Variants in SHOC2 observed in about 807,000 individuals in gnomAD.
The protein encoded by SHOC2 is leucine-rich repeat protein SHOC-2.
In SHOC2, 4 loss-of-function variants were observed where a neutral mutation model predicts 50.2. That is an observed-to-expected ratio of 0.08 (90% CI 0.04 to 0.18). The LOEUF is 0.18. Ranked by LOEUF, SHOC2 falls within the 10% of genes least tolerant of loss-of-function variation. SHOC2 has a pLI of 1.00. For missense variants in SHOC2, 388 were observed against 669.6 expected (o/e 0.58, Z 4.64); for synonymous variants, 218 against 244.5 (o/e 0.89, Z 1.01).
At chr10:110,980,196 G>A (rs908218273) in intron 2 of SHOC2, among the ~76,000 whole-genome samples, 6 of 139,254 alleles carry the variant, frequency 4.3e-5, no homozygotes, top group East Asian at 2.1e-4. Flanking sequence ...TCACTCTGTC[G>A]CCTAGGCTGG....
chr10:110,948,201 A>G (rs567515918), intron 1 of SHOC2, among the ~76,000 whole-genome samples: 1 of 152,226 alleles, frequency 6.6e-6, no homozygotes, highest in Non-Finnish European at 1.5e-5. Context: ...TACACTCAAC[A>G]TCAGAGCACC....
chr10:110,981,286 C>T (rs1362263944), intron 2 of SHOC2, among the ~76,000 whole-genome samples: 3 of 152,192 alleles, frequency 2.0e-5, no homozygotes, highest in African/African-American at 7.2e-5. Context: ...TCTGTTTCTT[C>T]AGTGCCCAGT....
At chr10:110,952,405 G>A (rs1026108371) in intron 1 of SHOC2, among the ~76,000 whole-genome samples, 3 of 152,080 alleles carry the variant, frequency 2.0e-5, no homozygotes, top group East Asian at 1.9e-4. Context: ...GGTTTTTACT[G>A]TTGTAGGTTC....
chr10:111,000,496 C>T lies in SHOC2; in HGVS notation c.923C>T (p.Ala308Val), dbSNP rs139383612. 23 of 1,611,408 alleles carry T rather than the reference C, an allele frequency of 1.4e-5. No individual in the cohort carries two copies. The highest frequency in any genetic ancestry group is 1.9e-5 in the Non-Finnish European group (22 of 1,177,732). Reference protein sequence around the residue: ...AIPRSLAKCSALEELNLENNN... With the variant: ...AIPRSLAKCSVLEELNLENNN... ...CCCAGATCATTAGCAAAATGCAGTG[C>T]ACTTGAAGAATTAAATTTAGAGAAC... The change falls in exon 4 of 9, where the codon GCA becomes GTA. Residue 308 changes from alanine to valine, a missense_variant. Coordinates refer to ENST00000369452, the MANE Select transcript of SHOC2 (RefSeq NM_007373.4).
chr10:111,009,690 C>G (rs780937391), intron 7 of SHOC2, 23 bp from the exon 8 acceptor site: 1 of 1,391,860 alleles, frequency 7.2e-7, no homozygotes, highest in Admixed American at 1.7e-5. Context: ...TTGTAACTCT[C>G]TTTTATTTTG....
At chr10:110,980,525 A>G (rs1357063309) in intron 2 of SHOC2, among the ~76,000 whole-genome samples, 1 of 152,104 alleles carries the variant, frequency 6.6e-6, no homozygotes, top group African/African-American at 2.4e-5. Context: ...CTCGTGGGCT[A>G]ATTGCAGTAG....
rs186204864 is a variant in SHOC2, at chr10:110,924,996, G to A, written c.-235+5339G>A. ...TGAGGCAGGAGAATCTCTTGAACCC[G>A]GGAGGTGGAGGTTGCGGTAAGCCGA... On this transcript the variant is annotated intron_variant, in intron 1 of 8. Transcript: ENST00000369452. Among the ~76,000 whole-genome samples the A allele has an allele frequency of 3.9e-3, 588 of 150,322 alleles. 6 individuals are homozygous for A. The highest frequency in any genetic ancestry group is 0.014 in the African/African-American group (566 of 40,914).
chr10:110,924,028 TCA>T (rs1034819018), intron 1 of SHOC2, among the ~76,000 whole-genome samples: 1 of 152,248 alleles, frequency 6.6e-6, no homozygotes, highest in African/African-American at 2.4e-5. Flanking sequence ...TGGGTTTTTT[TCA>T]GTTTCCAGTT....
intron 1 of SHOC2, among the ~76,000 whole-genome samples, chr10:110,941,827 G>T (rs967500374): frequency 6.6e-6 from 1 of 151,686 alleles, no homozygotes; most frequent in Non-Finnish European, 1.5e-5. Context: ...TTTTGCCTAC[G>T]AATTACTAGT....
At chr10:110,998,374 A>T (rs1178766301) in intron 3 of SHOC2, among the ~76,000 whole-genome samples, 1 of 151,294 alleles carries the variant, frequency 6.6e-6, no homozygotes, top group Non-Finnish European at 1.5e-5. Context: ...TTGGAAAGTC[A>T]CTCAATTTTT....
intron 1 of SHOC2, among the ~76,000 whole-genome samples, chr10:110,958,966 T>C (rs1038262416): frequency 1.3e-5 from 2 of 152,194 alleles, no homozygotes; most frequent in Non-Finnish European, 2.9e-5. Context: ...TTCCTTACTC[T>C]TAAAATGATA....
chr10:110,952,729 A>G (rs1472561221), intron 1 of SHOC2, among the ~76,000 whole-genome samples: 1 of 152,062 alleles, frequency 6.6e-6, no homozygotes, highest in African/African-American at 2.4e-5. Context: ...CGCACCTCGC[A>G]AAAGGCCCTG....
At chr10:110,974,400 G>A (rs1387557451) in intron 2 of SHOC2, among the ~76,000 whole-genome samples, 1 of 151,838 alleles carries the variant, frequency 6.6e-6, no homozygotes, top group Non-Finnish European at 1.5e-5. Context: ...TTGTTTTTTG[G>A]AGGATTGTAA....
chr10:110,964,829 A>G lies in SHOC2; in HGVS notation c.471A>G (p.Ser157=). The change falls in exon 2 of 9, where the codon TCA becomes TCG. Residue 157 remains serine, a synonymous_variant. Transcript: ENST00000369452. The surrounding 1 kb of genome is among the most constrained non-coding windows in gnomAD (Gnocchi z 4.9). The stretch of plus-strand genomic sequence containing the variant: ...TGACACTGGCTCTAAGTGAAAATTC[A>G]CTTACCAGTTTGCCTGACTCTCTTG... The part of the protein sequence containing the change: ...NLMTLALSEN[S]LTSLPDSLDN... 6.2e-7 allele frequency: 1 copy of G among 1,614,062 alleles called. No individual in the cohort carries two copies. Among genetic ancestry groups the G allele is most frequent in the Non-Finnish European group, 8.5e-7 (1 of 1,179,968 alleles).
At chr10:110,985,561 C>T in intron 2 of SHOC2, 67 bp from the exon 3 acceptor site, 1 of 1,178,288 alleles carries the variant, frequency 8.5e-7, no homozygotes. Context: ...TATTTTCTTG[C>T]TTAGAAGTAT....
At chr10:110,937,139 T>G (rs1173669303) in intron 1 of SHOC2, 1 of 1,500,004 alleles carries the variant, frequency 6.7e-7, no homozygotes, top group Non-Finnish European at 9.3e-7. Context: ...GACCACCACC[T>G]TCCGGCCCAG....
rs540981703 is a variant in SHOC2 at position 110,999,284 on chromosome 10, T to C, written c.842-1131T>C. ...AACAAAATAGTATATTGGATGAAAT[T>C]CTTGTCTTGTTAGCTTTTTTTGTAT... is the stretch of plus-strand genomic sequence containing the variant. On this transcript the variant is annotated intron_variant, in intron 3 of 8. Coordinates refer to ENST00000369452, the MANE Select transcript of SHOC2 (RefSeq NM_007373.4). Among the ~76,000 whole-genome samples the C allele has an allele frequency of 4.3e-4, 66 of 152,332 alleles. 1 individual carries two copies. The highest frequency in any genetic ancestry group is 1.2e-3 in the Admixed American group (19 of 15,306).
At chr10:110,959,787 A>G (rs899176316) in intron 1 of SHOC2, among the ~76,000 whole-genome samples, 1 of 152,218 alleles carries the variant, frequency 6.6e-6, no homozygotes, top group African/African-American at 2.4e-5. Context: ...ACACGAAATT[A>G]TTACTGCTTT....
chr10:111,009,742 C>G lies in SHOC2; in HGVS notation c.1452C>G (p.Thr484=), dbSNP rs774870302. 41 of 1,611,900 alleles carry G rather than the reference C, an allele frequency of 2.5e-5. No homozygotes were observed. The highest frequency in any genetic ancestry group is 3.2e-5 in the Non-Finnish European group (38 of 1,178,310). Residue 484 remains threonine, a synonymous_variant, in exon 8 of 9, where the codon ACC becomes ACG. Coordinates refer to ENST00000369452, the MANE Select transcript of SHOC2 (RefSeq NM_007373.4). ...QKLVLTNNQL[T]TLPRGIGHLT... ...TAGTCTTGACAAACAACCAGTTGAC[C>G]ACTCTTCCCAGAGGCATTGGTCACC... is the stretch of plus-strand genomic sequence containing the variant.
Sources: gnomAD v4.1 joint callset for allele counts (sites outside exome capture counted in the v4.1 genomes callset) on GRCh38, gnomAD v4.1.1 for gene constraint, Gnocchi (gnomAD v3.1) non-coding constraint, MANE v1.5 for transcripts, NCBI Gene and HGNC (gene_info 2026-07-23, HGNC 2026-07-21) for gene names.